Variants in TFG observed in about 807,000 individuals in gnomAD.
TFG encodes trafficking from ER to golgi regulator, also known as protein TFG.
A neutral mutation model predicts 51.4 loss-of-function variants in TFG; 22 were observed. The observed-to-expected ratio is 0.43, with a 90% CI of 0.31 to 0.61. The LOEUF (loss-of-function observed/expected upper bound fraction) is 0.61, where lower values mean the gene tolerates loss of function less well. Ranked by LOEUF, TFG falls within the 20% of genes least tolerant of loss-of-function variation. The probability of loss-of-function intolerance (pLI) is 0.12; values close to 1 mark genes in which losing one functional copy is unlikely to be tolerated. For synonymous variants in TFG, 187 were observed against 165.6 expected (o/e 1.13, Z -0.99); for missense variants, 419 against 487.7 (o/e 0.86, Z 1.33).
chr3:100,731,039 A>G (rs1454012279), intron 4 of TFG, among the ~76,000 whole-genome samples: 1 of 152,172 alleles, frequency 6.6e-6, no homozygotes. Context: ...GTAGCCTGGA[A>G]TGGTATGTTA....
chr3:100,744,588 A>T (rs1172179819), intron 6 of TFG: 2 of 330,092 alleles, frequency 6.1e-6, no homozygotes, highest in African/African-American at 4.3e-5. Flanking sequence ...ATGAAATGGT[A>T]GCCACTGGTG....
intron 2 of TFG, among the ~76,000 whole-genome samples, chr3:100,719,245 A>C (rs929012764): frequency 1.3e-5 from 2 of 152,166 alleles, no homozygotes; most frequent in African/African-American, 2.4e-5. Flanking sequence ...ACTGTTTGTG[A>C]AGACACCCTG....
chr3:100,727,937 A>G (rs1028331199), intron 3 of TFG, among the ~76,000 whole-genome samples: 3 of 152,164 alleles, frequency 2.0e-5, no homozygotes, highest in Non-Finnish European at 2.9e-5. Flanking sequence ...GGATCAAGCA[A>G]TCCTCCCACC....
chr3:100,720,412 C>T (rs1369119799), intron 3 of TFG, among the ~76,000 whole-genome samples: 1 of 152,166 alleles, frequency 6.6e-6, no homozygotes, highest in Non-Finnish European at 1.5e-5. Flanking sequence ...ATTATCAGGG[C>T]TTAACATGTA....
Position 100,719,410 on chromosome 3 carries a change from A to G in TFG, c.185-565A>G, listed in dbSNP as rs16842640. On this transcript the variant is annotated intron_variant, in intron 2 of 7. Transcript: ENST00000240851. ...TTATCCCTGAGATCTGGGGGATTTC[A>G]CGGTCATAAATACACACTGTTTTGA... Among the ~76,000 whole-genome samples, 1,016 of 152,316 alleles carry G rather than the reference A, an allele frequency of 6.7e-3. 10 individuals are homozygous for G. The highest frequency in any genetic ancestry group is 0.022 in the African/African-American group (922 of 41,568).
At chr3:100,726,531 T>C (rs921731044) in intron 3 of TFG, among the ~76,000 whole-genome samples, 1 of 152,238 alleles carries the variant, frequency 6.6e-6, no homozygotes, top group African/African-American at 2.4e-5. Flanking sequence ...AAACTTTTAA[T>C]TGAGTATAAT....
chr3:100,712,190 T>C (rs1238036156), intron 1 of TFG, among the ~76,000 whole-genome samples: 1 of 152,178 alleles, frequency 6.6e-6, no homozygotes, highest in Non-Finnish European at 1.5e-5. Flanking sequence ...AAGGACTAGT[T>C]AGATGGAAGG....
intron 1 of TFG, chr3:100,710,955 T>C (rs2095029352): frequency 6.6e-6 from 1 of 152,256 alleles, no homozygotes; most frequent in Admixed American, 6.5e-5. Context: ...GATACTTTTG[T>C]GTTTACTCTG....
At chr3:100,737,352 T>C (rs1364707718) in intron 6 of TFG, among the ~76,000 whole-genome samples, 2 of 152,256 alleles carry the variant, frequency 1.3e-5, no homozygotes, top group African/African-American at 4.8e-5. Flanking sequence ...AGAATGTCTT[T>C]AGTTCTGAAT....
chr3:100,745,611 T>C (rs1246224021), intron 7 of TFG, among the ~76,000 whole-genome samples: 1 of 152,236 alleles, frequency 6.6e-6, no homozygotes, highest in Non-Finnish European at 1.5e-5. Context: ...TACAGTTATG[T>C]CAGAGAGTTT....
chr3:100,734,828 A>C (rs928806857), intron 5 of TFG, among the ~76,000 whole-genome samples: 3 of 152,204 alleles, frequency 2.0e-5, no homozygotes. Flanking sequence ...TAATATTAAT[A>C]TGATTCACAT....
intron 2 of TFG, 95 bp downstream of exon 2, chr3:100,713,964 G>T: frequency 1.3e-6 from 1 of 741,322 alleles, no homozygotes; most frequent in South Asian, 3.1e-5. Context: ...ACAGTGGTGT[G>T]ATCATAGCTC....
At chr3:100,710,849 T>G (rs2095028985) in intron 1 of TFG, 1 of 152,194 alleles carries the variant, frequency 6.6e-6, no homozygotes, top group Non-Finnish European at 1.5e-5. Context: ...GTCTCTACTT[T>G]GGAAGAGAAA....
chr3:100,709,319 G>C (rs1369294006), upstream of TFG: 2 of 152,262 alleles, frequency 1.3e-5, no homozygotes, highest in Admixed American at 1.3e-4. Flanking sequence ...CGTGCATCGG[G>C]GCAGCTCACG....
In TFG at chr3:100,748,964, A is replaced by G. The variant is rs1236948629; in HGVS notation, c.*433A>G. 1 of 192,040 alleles carries G rather than the reference A, an allele frequency of 5.2e-6. No individual in the cohort carries two copies. The highest frequency in any genetic ancestry group is 1.1e-5 in the Non-Finnish European group (1 of 92,128). 11.9% of individuals were successfully genotyped at this position (192,040 alleles called of 1,614,324 possible). ...TAGGTTAATAAAGATGATTGAATCC[A>G]TTAGTGGTCTTGAAATTTTAATTTA... On this transcript the variant is annotated 3_prime_UTR_variant, in exon 8 of 8. Coordinates refer to ENST00000240851, the MANE Select transcript of TFG (RefSeq NM_006070.6).
intron 4 of TFG, among the ~76,000 whole-genome samples, chr3:100,731,883 C>T (rs1352016101): frequency 6.6e-6 from 1 of 152,112 alleles, no homozygotes; most frequent in East Asian, 1.9e-4. Flanking sequence ...ATCCCATATA[C>T]ATCATTTCAT....
At chr3:100,739,802 A>G (rs1288218190) in intron 6 of TFG, among the ~76,000 whole-genome samples, 1 of 152,110 alleles carries the variant, frequency 6.6e-6, no homozygotes, top group Non-Finnish European at 1.5e-5. Flanking sequence ...TTCAGTATAT[A>G]TGTCCAACTG....
chr3:100,713,674 C>G lies in TFG; in HGVS notation c.-12C>G. On this transcript the variant is annotated 5_prime_UTR_variant, in exon 2 of 8. Coordinates refer to ENST00000240851, the MANE Select transcript of TFG (RefSeq NM_006070.6). The stretch of plus-strand genomic sequence containing the variant: ...TCTAGAGTTGTATATATAGAACATC[C>G]TGGAGTCCACCATGAACGGACAGTT... 1 of 1,578,678 alleles carries G rather than the reference C, an allele frequency of 6.3e-7. No homozygotes were observed. Among genetic ancestry groups the G allele is most frequent in the Non-Finnish European group, 8.6e-7 (1 of 1,158,436 alleles).
At position 100,720,033 on chromosome 3, in the gene TFG, T is replaced by C; in HGVS notation, c.243T>C (p.Ser81=). The change falls in exon 3 of 8, where the codon AGT becomes AGC. Residue 81 remains serine, a synonymous_variant. Transcript: ENST00000240851. ...SSDLSFAIQC[S]RILKLTLFVN... ...ACCTTTCCTTTGCAATTCAGTGCAG[T>C]AGGATACTGAAACTGACATTATTTG... is the stretch of plus-strand genomic sequence containing the variant. The C allele has an allele frequency of 6.4e-7, 1 of 1,573,668 alleles. No homozygotes were observed. The highest frequency in any genetic ancestry group is 8.6e-7 in the Non-Finnish European group (1 of 1,161,102).
Sources: gnomAD v4.1 joint callset for allele counts (sites outside exome capture counted in the v4.1 genomes callset) on GRCh38, gnomAD v4.1.1 for gene constraint, MANE v1.5 for transcripts, NCBI Gene and HGNC (gene_info 2026-07-23, HGNC 2026-07-21) for gene names.